ATP2B2: variants seen among roughly 807,000 people sequenced by gnomAD.
ATP2B2 encodes the protein ATPase plasma membrane Ca2+ transporting 2.
In ATP2B2, 15 loss-of-function variants were observed where a neutral mutation model predicts 120.0. That is an observed-to-expected ratio of 0.12 (90% confidence interval 0.08 to 0.19). The LOEUF is 0.19. Among genes scored for constraint, ATP2B2 ranks in the 10% least tolerant of loss-of-function variants. ATP2B2 has a pLI of 1.00. For synonymous variants in ATP2B2, 694 were observed against 700.3 expected (o/e 0.99, Z 0.14); for missense variants, 1,045 against 1,719.8 (o/e 0.61, Z 6.94).
intron 1 of ATP2B2, among the ~76,000 whole-genome samples, chr3:10,636,842 T>C (rs1334489792): frequency 2.0e-5 from 3 of 152,072 alleles, no homozygotes; most frequent in Admixed American, 2.0e-4. Flanking sequence ...TGCAAAGAGC[T>C]ACAGAGAGAA....
At chr3:10,645,046 C>T (rs1413799838) in intron 1 of ATP2B2, among the ~76,000 whole-genome samples, 2 of 151,856 alleles carry the variant, frequency 1.3e-5, no homozygotes, top group African/African-American at 2.4e-5. Flanking sequence ...ATGTTGAATG[C>T]AAGTTATTCT....
chr3:10,543,655 G>A (rs1477516308), intron 2 of ATP2B2, among the ~76,000 whole-genome samples: 1 of 151,946 alleles, frequency 6.6e-6, no homozygotes, highest in Non-Finnish European at 1.5e-5. Context: ...TTAAGAAACA[G>A]TATTAAAATC....
At chr3:10,592,112 C>G (rs905288389) in intron 2 of ATP2B2, among the ~76,000 whole-genome samples, 12 of 152,172 alleles carry the variant, frequency 7.9e-5, no homozygotes, top group African/African-American at 2.9e-4. Context: ...ATATGGAGAA[C>G]AGCCATGGTA....
chr3:10,480,529 C>T (rs1338417823), intron 1 of ATP2B2, among the ~76,000 whole-genome samples: 5 of 152,188 alleles, frequency 3.3e-5, no homozygotes, highest in East Asian at 3.9e-4. Context: ...AACTGCCCCG[C>T]GCCTATGTGG....
intron 1 of ATP2B2, among the ~76,000 whole-genome samples, chr3:10,703,824 T>C (rs747434182): frequency 2.0e-5 from 3 of 152,244 alleles, no homozygotes; most frequent in Non-Finnish European, 4.4e-5. Context: ...AGGGCCCCTT[T>C]CATAAATGCT....
chr3:10,662,801 A>AT (rs953180352), intron 1 of ATP2B2, among the ~76,000 whole-genome samples: 9 of 152,080 alleles, frequency 5.9e-5, no homozygotes, highest in African/African-American at 2.2e-4. Flanking sequence ...ACGTATGTTT[A>AT]TTGCGGCACT....
chr3:10,610,721 C>G (rs1237454784), intron 2 of ATP2B2, among the ~76,000 whole-genome samples: 1 of 152,172 alleles, frequency 6.6e-6, no homozygotes, highest in African/African-American at 2.4e-5. Context: ...TTTCCTTTTC[C>G]CCTCCCTTCA....
chr3:10,535,704 G>A (rs73026892), intron 2 of ATP2B2, among the ~76,000 whole-genome samples: 6,963 of 152,024 alleles, frequency 0.046, 201 homozygotes, highest in East Asian at 0.13. Context: ...ACAAGAGTTC[G>A]CTCCTTTTTA....
intron 1 of ATP2B2, among the ~76,000 whole-genome samples, chr3:10,499,820 C>T (rs1247594639): frequency 6.6e-6 from 1 of 152,056 alleles, no homozygotes; most frequent in East Asian, 1.9e-4. Flanking sequence ...CCTAAGGGGT[C>T]TCTGGGCATC....
At chr3:10,361,503 C>T (rs184215251) in intron 12 of ATP2B2, among the ~76,000 whole-genome samples, 1 of 152,346 alleles carries the variant, frequency 6.6e-6, no homozygotes, top group East Asian at 1.9e-4. Flanking sequence ...TTGGCACCTG[C>T]TTCATGCTGG....
At chr3:10,503,730 G>T (rs924206935) in intron 1 of ATP2B2, among the ~76,000 whole-genome samples, 1 of 152,272 alleles carries the variant, frequency 6.6e-6, no homozygotes, top group Non-Finnish European at 1.5e-5. Flanking sequence ...CAGGCACGCA[G>T]ATGGCATTCA....
intron 14 of ATP2B2, among the ~76,000 whole-genome samples, chr3:10,352,421 G>A (rs1030927368): frequency 6.6e-6 from 1 of 152,240 alleles, no homozygotes; most frequent in Non-Finnish European, 1.5e-5. Flanking sequence ...GTCTTGTGGC[G>A]TGAGGAACGG....
chr3:10,523,340 T>TA (rs537880686), intron 3 of ATP2B2, among the ~76,000 whole-genome samples: 1 of 152,132 alleles, frequency 6.6e-6, no homozygotes, highest in Non-Finnish European at 1.5e-5. Flanking sequence ...AACTTTCTAT[T>TA]AAAAAAATCA....
chr3:10,557,400 G>C (rs1047823359), intron 2 of ATP2B2, among the ~76,000 whole-genome samples: 26 of 152,260 alleles, frequency 1.7e-4, no homozygotes, highest in African/African-American at 6.3e-4. Flanking sequence ...GGGCTGCCTG[G>C]ACGAAGCTAG....
chr3:10,527,816 C>G (rs912841230), intron 3 of ATP2B2, among the ~76,000 whole-genome samples: 1 of 152,244 alleles, frequency 6.6e-6, no homozygotes, highest in African/African-American at 2.4e-5. Flanking sequence ...AGTACCCTCT[C>G]TGACTGCTCG....
At chr3:10,414,280 T>C (rs750313250) in intron 2 of ATP2B2, among the ~76,000 whole-genome samples, 4 of 152,158 alleles carry the variant, frequency 2.6e-5, no homozygotes, top group African/African-American at 7.2e-5. Flanking sequence ...AAATAGTTGA[T>C]AATGTGGGTG....
At chr3:10,585,493 G>GAAAAAAAAA (rs60670471) in intron 2 of ATP2B2, among the ~76,000 whole-genome samples, 887 of 28,500 alleles carry the variant, frequency 0.031, 162 homozygotes, top group East Asian at 0.081. Flanking sequence ...GACTCCGTCT[G>GAAAAAAAAA]AAAAAAAAAA....
intron 1 of ATP2B2, among the ~76,000 whole-genome samples, chr3:10,485,531 C>T (rs1163937301): frequency 9.8e-5 from 15 of 152,344 alleles, no homozygotes; most frequent in East Asian, 5.8e-4. Flanking sequence ...CCGCTCCCTC[C>T]GCTTCTCCCT....
intron 22 of ATP2B2, chr3:10,336,018 TG>T: frequency 1.5e-6 from 2 of 1,320,722 alleles, no homozygotes; most frequent in Non-Finnish European, 1.0e-6. Flanking sequence ...TTCATCCCCC[TG>T]GGCCTGATTG....
Sources: allele counts gnomAD v4.1 joint callset (sites outside exome capture counted in the v4.1 genomes callset), GRCh38; gene constraint gnomAD v4.1.1; transcripts MANE v1.5; gene names NCBI Gene and HGNC (gene_info 2026-07-23, HGNC 2026-07-21).